TTC1: variants seen among roughly 807,000 people sequenced by gnomAD.
TTC1 encodes the protein tetratricopeptide repeat domain 1.
A neutral mutation model predicts 37.6 loss-of-function variants in TTC1; 31 were observed. The observed-to-expected ratio is 0.82, with a 90% CI of 0.62 to 1.11. The LOEUF (loss-of-function observed/expected upper bound fraction) is 1.11, where lower values mean the gene tolerates loss of function less well. Ranked by LOEUF, TTC1 falls within the 50% of genes most tolerant of loss-of-function variation. TTC1 has a pLI of 0.00. For synonymous variants in TTC1, 127 were observed against 122.4 expected (o/e 1.04, Z -0.25); for missense variants, 351 against 339.0 (o/e 1.04, Z -0.28).
chr5:160,051,761 G>A (rs1024451139), intron 7 of TTC1, among the ~76,000 whole-genome samples: 3 of 152,288 alleles, frequency 2.0e-5, no homozygotes, highest in South Asian at 2.1e-4. Context: ...AACCTCCCAC[G>A]AGCAATCTGC....
intron 2 of TTC1, among the ~76,000 whole-genome samples, chr5:160,031,569 A>G (rs1441546359): frequency 2.0e-5 from 3 of 152,140 alleles, no homozygotes; most frequent in Non-Finnish European, 4.4e-5. Context: ...AGCCAAGATC[A>G]TGCCACTGCA....
chr5:160,023,116 C>T (rs1384568954), intron 2 of TTC1, among the ~76,000 whole-genome samples: 1 of 151,978 alleles, frequency 6.6e-6, no homozygotes, highest in African/African-American at 2.4e-5. Flanking sequence ...AATAGCAGGG[C>T]CTGGTGGTGT....
rs942702432 is a variant in TTC1 at position 160,065,126 on chromosome 5, G to C, written c.*61G>C. The C allele has an allele frequency of 4.4e-6, 7 of 1,581,294 alleles. No individual in the cohort carries two copies. The highest frequency in any genetic ancestry group is 6.0e-6 in the Non-Finnish European group (7 of 1,168,590). On this transcript the variant is annotated 3_prime_UTR_variant, in exon 8 of 8. Coordinates refer to ENST00000231238, the MANE Select transcript of TTC1 (RefSeq NM_003314.3). ...TTGTGTGCTGCTTGCTGTTAGCTAG[G>C]GGAAAGGCCCTGCCAATGTTTAACT...
At chr5:160,055,164 A>G (rs975185344) in intron 7 of TTC1, among the ~76,000 whole-genome samples, 2 of 152,214 alleles carry the variant, frequency 1.3e-5, no homozygotes, top group African/African-American at 4.8e-5. Context: ...GGGTAAAGAC[A>G]TCTGTCATCA....
intron 1 of TTC1, among the ~76,000 whole-genome samples, chr5:160,009,896 A>G (rs1327355909): frequency 6.6e-6 from 1 of 152,150 alleles, no homozygotes; most frequent in Non-Finnish European, 1.5e-5. Context: ...CTAGAAACGT[A>G]TTCTTGGGCT....
rs1324166882 is a variant in TTC1, at chr5:160,010,366, T to A, written c.-29-134T>A. On this transcript the variant is annotated intron_variant, in intron 1 of 7. Transcript: ENST00000231238. ...TATTACTTATGATAAGCTGTATTTTTAAATAATGAATTCCAGTGAAAGGAA... is the reference window on the plus strand; with the variant it reads ...TATTACTTATGATAAGCTGTATTTTAAAATAATGAATTCCAGTGAAAGGAA... 7.2e-6 allele frequency: 4 copies of A among 555,258 alleles called. No individual in the cohort carries two copies. The African/African-American group carries it at 7.5e-5, about 10-fold the overall frequency. 34.4% of individuals were successfully genotyped at this position (555,258 alleles called of 1,614,324 possible).
rs201998719 is a variant in TTC1 at position 160,021,729 on chromosome 5, A to AT, written c.330+10878dup. On this transcript the variant is annotated intron_variant, in intron 2 of 7. Coordinates refer to ENST00000231238, the MANE Select transcript of TTC1 (RefSeq NM_003314.3). ...TCAAAGAAGACAAAACCAAAAGCTT[A>AT]TTTTTTTAATGATAAGGAATTCCCT... Among the ~76,000 whole-genome samples, 1,337 of 152,266 alleles carry AT rather than the reference A, an allele frequency of 8.8e-3. 17 individuals are homozygous for AT. The highest frequency in any genetic ancestry group is 9.2e-3 in the Non-Finnish European group (628 of 68,010).
intron 7 of TTC1, among the ~76,000 whole-genome samples, chr5:160,059,062 C>T (rs942765342): frequency 2.0e-5 from 3 of 152,184 alleles, no homozygotes; most frequent in African/African-American, 7.2e-5. Flanking sequence ...TGAGCACTGG[C>T]CTCAACTTAA....
intron 2 of TTC1, among the ~76,000 whole-genome samples, chr5:160,017,939 A>G (rs1393150835): frequency 6.6e-6 from 1 of 152,322 alleles, no homozygotes; most frequent in East Asian, 1.9e-4. Flanking sequence ...CTGTTCTCTC[A>G]TTGGAGAATT....
At chr5:160,032,734 A>AGACG (rs1455259936) in intron 2 of TTC1, among the ~76,000 whole-genome samples, 1 of 26,818 alleles carries the variant, frequency 3.7e-5, no homozygotes, top group Admixed American at 6.2e-4. Flanking sequence ...TTTTTTTTTG[A>AGACG]GACGGAGTCT....
intron 1 of TTC1, 106 bp from the exon 2 acceptor site, chr5:160,010,394 T>C: frequency 4.9e-6 from 3 of 611,974 alleles, no homozygotes; most frequent in Non-Finnish European, 5.6e-6. Flanking sequence ...GAAAGGAAAT[T>C]ACGGTGTGTT....
chr5:160,040,804 G>T (rs945227139), intron 4 of TTC1, among the ~76,000 whole-genome samples: 3 of 151,646 alleles, frequency 2.0e-5, no homozygotes, highest in African/African-American at 7.3e-5. Flanking sequence ...TTAGAAATGG[G>T]GTCTTGTGTT....
At chr5:160,046,878 G>A (rs970634478) in intron 5 of TTC1, among the ~76,000 whole-genome samples, 1 of 152,060 alleles carries the variant, frequency 6.6e-6, no homozygotes, top group Non-Finnish European at 1.5e-5. Flanking sequence ...AGGGCATGGC[G>A]GCACGTGCCT....
At chr5:160,048,126 CTTTTTTTTTTTTTTT>C (rs56201199) in intron 5 of TTC1, among the ~76,000 whole-genome samples, 9 of 35,570 alleles carry the variant, frequency 2.5e-4, no homozygotes, top group Admixed American at 1.0e-3. Context: ...CAAGACATTG[CTTTTTTTTTTTTTTT>C]TTTTTTTTTT....
At chr5:160,058,108 A>G (rs1007760384) in intron 7 of TTC1, among the ~76,000 whole-genome samples, 5 of 152,210 alleles carry the variant, frequency 3.3e-5, no homozygotes, top group Admixed American at 6.5e-5. Context: ...CACTTCAACA[A>G]TGTTCACAAC....
intron 3 of TTC1, among the ~76,000 whole-genome samples, chr5:160,036,233 C>G (rs1235239809): frequency 6.6e-6 from 1 of 152,134 alleles, no homozygotes; most frequent in Non-Finnish European, 1.5e-5. Context: ...CTGTTTTAGC[C>G]AGGTTGACTG....
At position 160,039,554 on chromosome 5, in the gene TTC1, T is replaced by C. The variant is rs553917961; in HGVS notation, c.504+2751T>C. The stretch of plus-strand genomic sequence containing the variant: ...GGTCCTCTGAGGTATTAGTAGACTA[T>C]GAGCCTCAAACAAAAGTTTCTGCAA... On this transcript the variant is annotated intron_variant, in intron 4 of 7. Coordinates refer to ENST00000231238, the MANE Select transcript of TTC1 (RefSeq NM_003314.3). 3.9e-5 allele frequency among the ~76,000 whole-genome samples: 6 copies of C among 152,180 alleles called. No homozygotes were observed. In the East Asian group the frequency reaches 1.2e-3, roughly 29 times the overall value.
intron 2 of TTC1, among the ~76,000 whole-genome samples, chr5:160,019,580 C>CTTTTTTTTTTTT (rs201420281): frequency 9.2e-5 from 10 of 108,708 alleles, no homozygotes; most frequent in Admixed American, 2.1e-4. Flanking sequence ...TTCTTTCATT[C>CTTTTTTTTTTTT]TTTTTTTTTT....
chr5:160,010,338 T>G (rs1231051064), intron 1 of TTC1, among the ~76,000 whole-genome samples, 162 bp from the exon 2 acceptor site: 1 of 152,038 alleles, frequency 6.6e-6, no homozygotes, highest in Non-Finnish European at 1.5e-5. Flanking sequence ...GATTTGACAT[T>G]ATTATTACTT....
Sources: allele counts gnomAD v4.1 joint callset (sites outside exome capture counted in the v4.1 genomes callset), GRCh38; gene constraint gnomAD v4.1.1; transcripts MANE v1.5; gene names NCBI Gene and HGNC (gene_info 2026-07-23, HGNC 2026-07-21).